ITGB3BP: variants seen among roughly 807,000 people sequenced by gnomAD.
ITGB3BP encodes the protein integrin subunit beta 3 binding protein, also known as centromere protein R.
In ITGB3BP, 27 loss-of-function variants were observed where a neutral mutation model predicts 29.1. That is an observed-to-expected ratio of 0.93 (90% CI 0.68 to 1.28). The LOEUF is 1.28. ITGB3BP is among the 50% of genes most tolerant of loss of function. The pLI is 0.00. For synonymous variants in ITGB3BP, 61 were observed against 61.4 expected (o/e 0.99, Z 0.03); for missense variants, 192 against 200.2 (o/e 0.96, Z 0.25).
chr1:63,444,288 G>A (rs547212951), intron 8 of ITGB3BP, among the ~76,000 whole-genome samples: 2 of 151,934 alleles, frequency 1.3e-5, no homozygotes, highest in South Asian at 2.1e-4. Context: ...AATGTTGCAC[G>A]TTCATTTACT....
Position 63,490,147 on chromosome 1 carries a change from T to A in ITGB3BP, c.120A>T (p.Gln40His), listed in dbSNP as rs1034246095. Residue 40 changes from glutamine to histidine, a missense_variant, in exon 3 of 9, where the codon CAA (glutamine) becomes CAT (histidine). Coordinates refer to ENST00000271002, the MANE Select transcript of ITGB3BP (RefSeq NM_014288.5). ...TTGTGGGAGAAGCAAATAGACTCAT[T>A]TGACAAGTTCCAGTTGTTGGAGAAT... ...ITYSPTTGTC[Q>H]MSLFASPTSS... 3 of 1,607,256 alleles carry A rather than the reference T, an allele frequency of 1.9e-6. No homozygotes were observed. Among genetic ancestry groups the A allele is most frequent in the African/African-American group, 2.7e-5 (2 of 74,772 alleles).
intron 4 of ITGB3BP, among the ~76,000 whole-genome samples, chr1:63,467,541 A>G (rs553096714): frequency 3.2e-4 from 49 of 151,330 alleles, no homozygotes; most frequent in African/African-American, 1.0e-3. Context: ...TGATTGATTG[A>G]TTGATTGAAT....
chr1:63,456,802 T>C (rs1644942410), intron 4 of ITGB3BP, among the ~76,000 whole-genome samples: 1 of 152,112 alleles, frequency 6.6e-6, no homozygotes, highest in Non-Finnish European at 1.5e-5. Flanking sequence ...TCTGTTCACA[T>C]AGAGTTAGAT....
intron 4 of ITGB3BP, among the ~76,000 whole-genome samples, chr1:63,470,452 T>C (rs1645177099): frequency 6.6e-6 from 1 of 152,228 alleles, no homozygotes; most frequent in South Asian, 2.1e-4. Flanking sequence ...AAACTAAGAA[T>C]AACTACTAAC....
At chr1:63,527,472 C>T (rs1395642939), upstream of ITGB3BP, among the ~76,000 whole-genome samples, 4 of 151,996 alleles carry the variant, frequency 2.6e-5, no homozygotes, top group African/African-American at 4.8e-5. Context: ...TCAGAGACAG[C>T]GGTAGCATTA....
intron 2 of ITGB3BP, among the ~76,000 whole-genome samples, chr1:63,493,406 T>G (rs912164825): frequency 2.0e-5 from 3 of 149,346 alleles, no homozygotes; most frequent in Admixed American, 6.7e-5. Flanking sequence ...CACAGGGAGA[T>G]TCTGTCTCAA....
intron 1 of ITGB3BP, among the ~76,000 whole-genome samples, chr1:63,514,931 C>T (rs576179138): frequency 2.7e-5 from 3 of 110,870 alleles, no homozygotes; most frequent in Admixed American, 1.3e-4. Context: ...GGTGACAGAG[C>T]GAGACTCTGT....
At chr1:63,483,744 A>G (rs1464465270) in intron 3 of ITGB3BP, among the ~76,000 whole-genome samples, 1 of 152,202 alleles carries the variant, frequency 6.6e-6, no homozygotes, top group Non-Finnish European at 1.5e-5. Context: ...CAGTGGTCTC[A>G]TAAGATTATA....
chr1:63,459,527 G>C (rs1644982901), intron 4 of ITGB3BP, among the ~76,000 whole-genome samples: 1 of 151,976 alleles, frequency 6.6e-6, no homozygotes. Flanking sequence ...TGATAATTTT[G>C]GATGACAGTT....
chr1:63,493,070 C>CCACACA (rs10643042), intron 2 of ITGB3BP, among the ~76,000 whole-genome samples: 32,018 of 146,504 alleles, frequency 0.22, 3,719 homozygotes, highest in East Asian at 0.37. Flanking sequence ...GTGGATCACA[C>CCACACA]CACACACACA....
At chr1:63,507,863 T>C (rs1361325950) in intron 2 of ITGB3BP, among the ~76,000 whole-genome samples, 2 of 152,228 alleles carry the variant, frequency 1.3e-5, no homozygotes, top group South Asian at 2.1e-4. Context: ...CTCACCAATT[T>C]ACCTGCATTT....
chr1:63,454,046 C>T lies in ITGB3BP; in HGVS notation c.428-72G>A, dbSNP rs1570130004. The T allele has an allele frequency of 2.5e-6, 2 of 801,802 alleles. No homozygotes were observed. The highest frequency in any genetic ancestry group is 5.0e-5 in the East Asian group (2 of 39,886). 49.7% of individuals were successfully genotyped at this position (801,802 alleles called of 1,614,324 possible). A position where few individuals can be genotyped will look rare whatever the true frequency, so the allele number is the denominator to read the frequency against. On this transcript the variant is annotated intron_variant, in intron 6 of 8. Coordinates refer to ENST00000271002, the MANE Select transcript of ITGB3BP (RefSeq NM_014288.5). The surrounding 1 kb of genome is among the most constrained non-coding windows in gnomAD (Gnocchi z 4.1). ...ATAATTTCTCAATACTTGCAACAAA[C>T]AACTTCATGAGAAAAAAATAATTCA...
chr1:63,498,480 A>AT (rs972789389), intron 2 of ITGB3BP, among the ~76,000 whole-genome samples: 2 of 152,244 alleles, frequency 1.3e-5, no homozygotes, highest in Admixed American at 6.5e-5. Flanking sequence ...CAAAGAAGGA[A>AT]TTTTTTTAAA....
intron 1 of ITGB3BP, among the ~76,000 whole-genome samples, chr1:63,511,264 A>G (rs1431725587): frequency 6.6e-6 from 1 of 152,136 alleles, no homozygotes; most frequent in Non-Finnish European, 1.5e-5. Flanking sequence ...CTATTAAAAA[A>G]CCAAACAAAA....
At chr1:63,459,001 A>G (rs1354277375) in intron 4 of ITGB3BP, among the ~76,000 whole-genome samples, 26 of 151,920 alleles carry the variant, frequency 1.7e-4, no homozygotes, top group Admixed American at 7.9e-4. Context: ...TTTCCACCAC[A>G]TATGTCTTTC....
Position 63,473,306 on chromosome 1 carries a change from C to T in ITGB3BP, c.254+5458G>A, listed in dbSNP as rs1442906010. On this transcript the variant is annotated intron_variant, in intron 4 of 8. Transcript: ENST00000271002. Reference sequence around the variant, plus strand: ...GCCACCCCGTCTGGGAAGTGAGGAGCGTCTCCGCCCGGCAGCCACCCCGTC... The same window carrying T: ...GCCACCCCGTCTGGGAAGTGAGGAGTGTCTCCGCCCGGCAGCCACCCCGTC... Among the ~76,000 whole-genome samples, 14 of 151,530 alleles carry T rather than the reference C, an allele frequency of 9.2e-5. 1 individual carries two copies. Among genetic ancestry groups the T allele is most frequent in the African/African-American group, 3.1e-4 (13 of 41,326 alleles).
At chr1:63,446,329 A>T (rs1338326217) in intron 8 of ITGB3BP, among the ~76,000 whole-genome samples, 2 of 152,208 alleles carry the variant, frequency 1.3e-5, no homozygotes, top group Non-Finnish European at 2.9e-5. Flanking sequence ...TGTATTGCTG[A>T]ATCAATAGGA....
chr1:63,501,721 G>T (rs997349635), intron 2 of ITGB3BP, among the ~76,000 whole-genome samples: 1 of 151,990 alleles, frequency 6.6e-6, no homozygotes, highest in Admixed American at 6.6e-5. Flanking sequence ...AATTAGCTGG[G>T]CATAGAGGCC....
At chr1:63,504,624 TTCAG>T (rs1646026538) in intron 2 of ITGB3BP, among the ~76,000 whole-genome samples, 1 of 152,194 alleles carries the variant, frequency 6.6e-6, no homozygotes, top group Non-Finnish European at 1.5e-5. Flanking sequence ...TTTTTGCCCA[TTCAG>T]TGTGATATTG....
Sources: gnomAD v4.1 joint callset for allele counts (sites outside exome capture counted in the v4.1 genomes callset) on GRCh38, gnomAD v4.1.1 for gene constraint, Gnocchi (gnomAD v3.1) non-coding constraint, MANE v1.5 for transcripts, NCBI Gene and HGNC (gene_info 2026-07-23, HGNC 2026-07-21) for gene names.